The following AKT1 variants were observed in gnomAD, a reference collection of about 807,000 sequenced individuals.
AKT1 encodes the protein AKT serine/threonine kinase 1.
In AKT1, 21 loss-of-function variants were observed where a neutral mutation model predicts 63.1. The observed-to-expected ratio is 0.33, with a 90% CI of 0.24 to 0.48. The LOEUF (loss-of-function observed/expected upper bound fraction) is 0.48, where lower values mean the gene tolerates loss of function less well. AKT1 is among the 20% of genes least tolerant of loss of function. The pLI is 0.99. For synonymous variants in AKT1, 257 were observed against 253.1 expected, an observed-to-expected ratio of 1.02 and a Z score of -0.15; for missense variants, 382 against 666.0, an observed-to-expected ratio of 0.57 and a Z score of 4.69.
At chr14:104,780,311 G>A (rs1892960463) in intron 3 of AKT1, 95 bp from the exon 4 acceptor site, 4 of 1,500,694 alleles carry the variant, frequency 2.7e-6, no homozygotes, top group Non-Finnish European at 3.6e-6. Context: ...GGACAGATGT[G>A]CCTGGGATGC....
intron 13 of AKT1, chr14:104,772,149 ACCAGG>A: frequency 1.7e-6 from 1 of 604,584 alleles, no homozygotes; most frequent in Non-Finnish European, 3.0e-6. Flanking sequence ...GGAAATGAGG[ACCAGG>A]CCAGTTTCCT....
rs113993465 is a variant in AKT1, at chr14:104,792,650, C to T, written c.-7G>A. On this transcript the variant is annotated 5_prime_UTR_variant, in exon 3 of 15. Coordinates refer to ENST00000649815, the MANE Select transcript of AKT1 (RefSeq NM_001382430.1). Reference sequence around the variant, plus strand: ...CAATAGCCACGTCGCTCATGGTGCCCGAGGCTCCCGCGACGCTCACGCGCT... The same window carrying T: ...CAATAGCCACGTCGCTCATGGTGCCTGAGGCTCCCGCGACGCTCACGCGCT... 9.9e-6 allele frequency: 16 copies of T among 1,609,720 alleles called. No homozygotes were observed. The highest frequency in any genetic ancestry group is 1.3e-5 in the African/African-American group (1 of 74,918).
chr14:104,774,240 A>C, intron 8 of AKT1: 8 of 489,216 alleles, frequency 1.6e-5, no homozygotes, highest in East Asian at 3.8e-5. Flanking sequence ...CCCACACCAC[A>C]CTGCCCCACA....
chr14:104,772,529 G>T, intron 12 of AKT1, 77 bp from the exon 13 acceptor site: 1 of 1,441,234 alleles, frequency 6.9e-7, no homozygotes, highest in Non-Finnish European at 9.7e-7. Context: ...TTCCTCCTGT[G>T]ATGTAGGGCC....
intron 3 of AKT1, among the ~76,000 whole-genome samples, chr14:104,785,194 G>A (rs1459461568): frequency 1.3e-5 from 2 of 152,114 alleles, no homozygotes; most frequent in South Asian, 2.1e-4. Flanking sequence ...AGCCCATGAG[G>A]GGCCCGCAAC....
chr14:104,791,895 C>G (rs1298628365), intron 3 of AKT1, among the ~76,000 whole-genome samples: 3 of 152,238 alleles, frequency 2.0e-5, no homozygotes, highest in Non-Finnish European at 4.4e-5. Context: ...CCTAGCAGGA[C>G]AGAGGAGCAA....
intron 3 of AKT1, among the ~76,000 whole-genome samples, chr14:104,781,286 G>C (rs1437260762): frequency 6.6e-6 from 1 of 152,144 alleles, no homozygotes; most frequent in African/African-American, 2.4e-5. Flanking sequence ...CTGAGCTCTG[G>C]GGCCTGGGTT....
chr14:104,775,129 T>C lies in AKT1; in HGVS notation c.514A>G (p.Thr172Ala). The C allele has an allele frequency of 2.5e-6, 4 of 1,614,132 alleles. No homozygotes were observed. The highest frequency in any genetic ancestry group is 3.4e-6 in the Non-Finnish European group (4 of 1,180,026). Residue 172 changes from threonine (T) to alanine (A), a missense_variant, in exon 7 of 15, where the codon ACA becomes GCA. This residue lies in a region of AKT1 where 226 missense variants were observed against 366.4 expected (regional missense o/e 0.62). Transcript: ENST00000649815. ...ATCTTCATGGCGTAGTAGCGGCCTG[T>C]GGCCTTCTCCTTCACCAGGATCACC... is the stretch of plus-strand genomic sequence containing the variant. ...GKVILVKEKATGRYYAMKILK... is the reference protein window; with the variant it reads ...GKVILVKEKAAGRYYAMKILK...
At chr14:104,772,203 C>A in intron 13 of AKT1, 162 bp downstream of exon 13, 1 of 740,540 alleles carries the variant, frequency 1.4e-6, no homozygotes, top group South Asian at 1.6e-5. Flanking sequence ...GAGCACCAGG[C>A]GCTGAGGTTG....
chr14:104,781,097 C>T (rs1381565280), intron 3 of AKT1, among the ~76,000 whole-genome samples: 1 of 152,272 alleles, frequency 6.6e-6, no homozygotes, highest in East Asian at 1.9e-4. Flanking sequence ...AGCAGCTGTC[C>T]TCGGTGATAG....
Position 104,774,927 on chromosome 14 carries a change from C to A in AKT1, c.633+11G>T, listed in dbSNP as rs1374639606. 1.9e-6 allele frequency: 3 copies of A among 1,609,290 alleles called. No individual in the cohort carries two copies. The highest frequency in any genetic ancestry group is 1.7e-5 in the Admixed American group (1 of 59,662). ...CCCCAGCCCTTCAGCCCCATCTGGGCTCCCACTCACTGTGAGGAAGGGGTG... is the reference window on the plus strand; with the variant it reads ...CCCCAGCCCTTCAGCCCCATCTGGGATCCCACTCACTGTGAGGAAGGGGTG... On this transcript the variant is annotated intron_variant, in intron 8 of 14. Transcript: ENST00000649815.
Position 104,774,938 on chromosome 14 carries a change from T to C in AKT1, c.633A>G (p.Thr211=), listed in dbSNP as rs1220730417. 4 of 1,610,952 alleles carry C rather than the reference T, an allele frequency of 2.5e-6. No individual in the cohort carries two copies. Among genetic ancestry groups the C allele is most frequent in the African/African-American group, 2.7e-5 (2 of 74,690 alleles). Residue 211 remains threonine (T), a splice_region_variant and synonymous_variant, in exon 8 of 15, where the codon ACA becomes ACG. Transcript: ENST00000649815. ...CAGCCCCATCTGGGCTCCCACTCAC[T>C]GTGAGGAAGGGGTGCCTGGAGTTCT... ...VLQNSRHPFL[T]ALKYSFQTHD...
chr14:104,785,015 G>A (rs990413178), intron 3 of AKT1, among the ~76,000 whole-genome samples: 4 of 152,218 alleles, frequency 2.6e-5, no homozygotes, highest in African/African-American at 4.8e-5. Context: ...GGTGCCAGGC[G>A]GCACCGAGCT....
rs1412997229 is a variant in AKT1 at position 104,775,632 on chromosome 14, G to C, written c.435+20C>G. 6 of 1,612,706 alleles carry C rather than the reference G, an allele frequency of 3.7e-6. No individual in the cohort carries two copies. Among genetic ancestry groups the C allele is most frequent in the Non-Finnish European group, 5.1e-6 (6 of 1,179,300 alleles). ...TCCAAGGCAGCCCCAGGCACAGGCA[G>C]AAGTGGGGACAGGCCTCACCACGCG... is the stretch of plus-strand genomic sequence containing the variant. On this transcript the variant is annotated intron_variant, in intron 6 of 14. Transcript: ENST00000649815.
At chr14:104,795,748 C>CGCT (rs1418958833), upstream of AKT1, 1 of 146,966 alleles carries the variant, frequency 6.8e-6, no homozygotes, top group Non-Finnish European at 1.5e-5. This position sits in a 1 kb window ranked among gnomAD's most constrained non-coding sequence, Gnocchi z 5.1. Context: ...CTGCCGCCGC[C>CGCT]GCCGGCCCGC....
At chr14:104,794,993 T>G (rs552880465) in intron 1 of AKT1, 64 of 152,340 alleles carry the variant, frequency 4.2e-4, no homozygotes, top group African/African-American at 1.5e-3. Context: ...CTAGCCTGGG[T>G]ACCCCGCCAC....
At chr14:104,785,884 C>G (rs979665846) in intron 3 of AKT1, among the ~76,000 whole-genome samples, 11 of 152,080 alleles carry the variant, frequency 7.2e-5, no homozygotes, top group African/African-American at 2.2e-4. Flanking sequence ...TCCAGGGAAG[C>G]ACCTGGGTCT....
At chr14:104,788,566 C>G (rs1295595600) in intron 3 of AKT1, among the ~76,000 whole-genome samples, 1 of 152,208 alleles carries the variant, frequency 6.6e-6, no homozygotes, top group Non-Finnish European at 1.5e-5. Flanking sequence ...ACCCCAGGAC[C>G]AGCTGGATGG....
chr14:104,771,794 G>C (rs902422680), intron 13 of AKT1: 1 of 237,722 alleles, frequency 4.2e-6, no homozygotes, highest in East Asian at 6.0e-5. Context: ...CAGCTGGGGT[G>C]ATGGCCAGGG....
Sources: allele counts gnomAD v4.1 joint callset (sites outside exome capture counted in the v4.1 genomes callset), GRCh38; gene constraint gnomAD v4.1.1; regional missense constraint gnomAD v4.1.1; non-coding constraint Gnocchi (gnomAD v3.1); transcripts MANE v1.5; gene names NCBI Gene and HGNC (gene_info 2026-07-23, HGNC 2026-07-21).